Variants in MRTFB observed in about 807,000 individuals in gnomAD.
MRTFB encodes myocardin-related transcription factor B.
Under a neutral mutation model 104.2 loss-of-function variants are expected in MRTFB, and 29 were observed. The ratio of observed to expected loss-of-function variants is 0.28; its 90% confidence interval spans 0.21 to 0.38. MRTFB has a LOEUF of 0.38. Among genes scored for constraint, MRTFB ranks in the 10% least tolerant of loss-of-function variants. MRTFB has a pLI of 1.00. For synonymous variants in MRTFB, 535 were observed against 519.5 expected (o/e 1.03, Z -0.41); for missense variants, 1,270 against 1,341.6 (o/e 0.95, Z 0.83).
At chr16:14,097,369 G>A (rs1273826490) in intron 2 of MRTFB, among the ~76,000 whole-genome samples, 1 of 152,192 alleles carries the variant, frequency 6.6e-6, no homozygotes, top group Non-Finnish European at 1.5e-5. Flanking sequence ...TGCAATCCAG[G>A]AAGACCGGTT....
rs2043954542 is a variant in MRTFB at position 14,266,521 on chromosome 16, G to GT, written c.*5083dup. On this transcript the variant is annotated 3_prime_UTR_variant, in exon 17 of 17. Transcript: ENST00000571589. ...TCCATTCATCTATTGCCTTTATGTT[G>GT]TTTTTTAAAAGAAAAACCATGATGC... is the stretch of plus-strand genomic sequence containing the variant. 1.3e-5 allele frequency: 2 copies of GT among 152,032 alleles called. No individual in the cohort carries two copies. Among genetic ancestry groups the GT allele is most frequent in the Admixed American group, 6.6e-5 (1 of 15,258 alleles). 9.4% of individuals were successfully genotyped at this position (152,032 alleles called of 1,614,324 possible).
At chr16:14,237,254 T>G (rs2042558562) in intron 9 of MRTFB, among the ~76,000 whole-genome samples, 1 of 152,048 alleles carries the variant, frequency 6.6e-6, no homozygotes, top group African/African-American at 2.4e-5. Flanking sequence ...AAGAAGTGAG[T>G]TCTTGGGAAC....
At chr16:14,090,007 A>G (rs2034954482) in intron 2 of MRTFB, among the ~76,000 whole-genome samples, 1 of 152,038 alleles carries the variant, frequency 6.6e-6, no homozygotes, top group Admixed American at 6.5e-5. Flanking sequence ...ATAGTTCTTT[A>G]TATATTTTGT....
rs537296028 is a variant in MRTFB at position 14,260,816 on chromosome 16, G to A, written c.2765-93G>A. On this transcript the variant is annotated intron_variant, in intron 16 of 16. Coordinates refer to ENST00000571589, the MANE Select transcript of MRTFB (RefSeq NM_001308142.2). ...AAGACGGACGTGCATAGAAGGAATCGCATAATAGCAATGTAACTGTCCTAG... is the reference window on the plus strand; with the variant it reads ...AAGACGGACGTGCATAGAAGGAATCACATAATAGCAATGTAACTGTCCTAG... 86 of 1,052,374 alleles carry A rather than the reference G, an allele frequency of 8.2e-5. 1 individual carries two copies. Among genetic ancestry groups the A allele is most frequent in the African/African-American group, 6.0e-4 (37 of 61,570 alleles). 65.2% of individuals were successfully genotyped at this position (1,052,374 alleles called of 1,614,324 possible).
chr16:14,186,575 GA>G, intron 3 of MRTFB: 2 of 421,402 alleles, frequency 4.7e-6, no homozygotes, highest in Non-Finnish European at 7.5e-6. Flanking sequence ...TCAAACTGCA[GA>G]CTGAAGTCCC....
At chr16:14,082,921 A>T (rs2034495094) in intron 2 of MRTFB, among the ~76,000 whole-genome samples, 1 of 152,142 alleles carries the variant, frequency 6.6e-6, no homozygotes, top group Non-Finnish European at 1.5e-5. Flanking sequence ...TTTGATAAGG[A>T]TTGCATTTAA....
rs549144152 is a variant in MRTFB at position 14,177,701 on chromosome 16, TAG to T, written c.155-32540_155-32539del. On this transcript the variant is annotated intron_variant, in intron 3 of 16. Coordinates refer to ENST00000571589, the MANE Select transcript of MRTFB (RefSeq NM_001308142.2). This position sits in a 1 kb window ranked among gnomAD's most constrained non-coding sequence, Gnocchi z 4.7. ...AACTGGGCATGGTGGCATGAGCCTG[TAG>T]ACCCAGCTACTGGGGAGGCTGAAGA... Among the ~76,000 whole-genome samples the T allele has an allele frequency of 6.6e-6, 1 of 152,182 alleles. No individual in the cohort carries two copies. Among genetic ancestry groups the T allele is most frequent in the South Asian group, 2.1e-4 (1 of 4,818 alleles).
the MRTFB span, among the ~76,000 whole-genome samples, chr16:14,022,654 G>C: frequency 2.0e-5 from 3 of 151,900 alleles, no homozygotes; most frequent in East Asian, 3.9e-4. Flanking sequence ...TCCACCCAAA[G>C]TGCTGGGATT....
intron 8 of MRTFB, 92 bp from the exon 9 acceptor site, chr16:14,234,054 T>C: frequency 6.6e-7 from 1 of 1,504,680 alleles, no homozygotes; most frequent in East Asian, 2.3e-5. Flanking sequence ...TCTAGTGGGC[T>C]TAAAAACCAG....
intron 2 of MRTFB, among the ~76,000 whole-genome samples, chr16:14,091,669 C>T (rs186373804): frequency 1.1e-3 from 162 of 152,132 alleles, no homozygotes; most frequent in Non-Finnish European, 1.7e-3. Flanking sequence ...ACCCAGAGAT[C>T]GAAACGATCT....
At chr16:14,051,766 C>T in the MRTFB span, among the ~76,000 whole-genome samples, 2,690 of 152,300 alleles carry the variant, frequency 0.018, 79 homozygotes, top group African/African-American at 0.059. Flanking sequence ...GAGTGTTCAA[C>T]GCACACTTAT....
At chr16:14,089,374 T>G (rs2034915753) in intron 2 of MRTFB, among the ~76,000 whole-genome samples, 1 of 152,244 alleles carries the variant, frequency 6.6e-6, no homozygotes, top group African/African-American at 2.4e-5. Flanking sequence ...TTACCTGTTC[T>G]GGACATGCCA....
At chr16:14,000,754 C>T in the MRTFB span, among the ~76,000 whole-genome samples, 1 of 152,188 alleles carries the variant, frequency 6.6e-6, no homozygotes, top group East Asian at 1.9e-4. Context: ...TCCCCTTTGT[C>T]CCCCTTCCCA....
chr16:14,075,525 C>G (rs2033983879), intron 1 of MRTFB, among the ~76,000 whole-genome samples: 1 of 152,298 alleles, frequency 6.6e-6, no homozygotes, highest in East Asian at 1.9e-4. Context: ...GGATTGCTAG[C>G]CTCCTCCTCC....
At chr16:14,055,713 C>T in the MRTFB span, among the ~76,000 whole-genome samples, 1 of 152,260 alleles carries the variant, frequency 6.6e-6, no homozygotes, top group South Asian at 2.1e-4. Context: ...AACATATCAA[C>T]ATGACTTATT....
chr16:14,161,305 A>G (rs1446683357), intron 3 of MRTFB, among the ~76,000 whole-genome samples: 1 of 152,118 alleles, frequency 6.6e-6, no homozygotes, highest in East Asian at 1.9e-4. Flanking sequence ...ATGGAGCAGA[A>G]TGGAGAGTGA....
chr16:14,171,760 G>A (rs2039430551), intron 3 of MRTFB, among the ~76,000 whole-genome samples: 1 of 152,142 alleles, frequency 6.6e-6, no homozygotes, highest in Non-Finnish European at 1.5e-5. Flanking sequence ...CTATTCCACT[G>A]TGAAAATAAA....
At chr16:14,230,272 A>G (rs1373674281) in intron 8 of MRTFB, among the ~76,000 whole-genome samples, 4 of 152,242 alleles carry the variant, frequency 2.6e-5, no homozygotes, top group African/African-American at 9.6e-5. Context: ...AAAAGCCAAA[A>G]TTGAGAAATG....
chr16:14,165,677 G>A (rs2039208738), intron 3 of MRTFB, among the ~76,000 whole-genome samples: 1 of 151,982 alleles, frequency 6.6e-6, no homozygotes, highest in African/African-American at 2.4e-5. Context: ...CTACAACCTT[G>A]TTCATGTGAC....
Sources: gnomAD v4.1 joint callset for allele counts (sites outside exome capture counted in the v4.1 genomes callset) on GRCh38, gnomAD v4.1.1 for gene constraint, Gnocchi (gnomAD v3.1) non-coding constraint, MANE v1.5 for transcripts, NCBI Gene and HGNC (gene_info 2026-07-23, HGNC 2026-07-21) for gene names.